ARL15: variants seen among roughly 807,000 people sequenced by gnomAD.
The protein encoded by ARL15 is ARF like GTPase 15, also known as ADP-ribosylation factor-like protein 15.
A neutral mutation model predicts 25.2 loss-of-function variants in ARL15; 19 were observed. The ratio of observed to expected loss-of-function variants is 0.75; its 90% CI spans 0.53 to 1.10. The LOEUF (loss-of-function observed/expected upper bound fraction) is 1.10, where lower values mean the gene tolerates loss of function less well. Ranked by LOEUF, ARL15 falls within the 50% of genes least tolerant of loss-of-function variation. The pLI, the probability that ARL15 is intolerant of heterozygous loss-of-function variation, is 0.00. For synonymous variants in ARL15, 94 were observed against 86.8 expected (o/e 1.08, Z -0.46); for missense variants, 220 against 246.0 (o/e 0.89, Z 0.71).
At chr5:54,184,304 G>GT (rs1412978769) in intron 1 of ARL15, among the ~76,000 whole-genome samples, 6 of 148,552 alleles carry the variant, frequency 4.0e-5, no homozygotes, top group Non-Finnish European at 8.9e-5. Flanking sequence ...TTAGCCAGGT[G>GT]TGATGGTGTG....
At chr5:53,999,417 C>T (rs747124058) in intron 4 of ARL15, among the ~76,000 whole-genome samples, 8 of 151,560 alleles carry the variant, frequency 5.3e-5, no homozygotes, top group Admixed American at 2.6e-4. Flanking sequence ...GGTGAAATCC[C>T]GTTCCTGCTA....
At chr5:53,896,423 G>C (rs1256458885) in intron 4 of ARL15, among the ~76,000 whole-genome samples, 1 of 152,058 alleles carries the variant, frequency 6.6e-6, no homozygotes, top group Non-Finnish European at 1.5e-5. Context: ...CAAATGAAAG[G>C]GGTTATAATT....
chr5:54,095,717 T>C (rs977363853), intron 4 of ARL15, among the ~76,000 whole-genome samples: 2 of 152,148 alleles, frequency 1.3e-5, no homozygotes, highest in Non-Finnish European at 2.9e-5. Flanking sequence ...ACACTTGGCT[T>C]AGTTTCTTCA....
Position 54,141,132 on chromosome 5 carries a change from A to T in ARL15, c.253+13448T>A. On this transcript the variant is annotated intron_variant, in intron 3 of 4. Transcript: ENST00000504924. ...TACTGAGAAATCTCTCACTCTTTAT[A>T]TAATGAATCTGTCATTTTTTTTTAT... Among the ~76,000 whole-genome samples, 2 of 151,838 alleles carry T rather than the reference A, an allele frequency of 1.3e-5. 1 individual carries two copies. The highest frequency in any genetic ancestry group is 4.8e-5 in the African/African-American group (2 of 41,378).
At chr5:54,036,119 C>T (rs1750157740) in intron 4 of ARL15, among the ~76,000 whole-genome samples, 2 of 151,238 alleles carry the variant, frequency 1.3e-5, no homozygotes, top group Admixed American at 6.6e-5. Context: ...CAATGCACTC[C>T]AGTCTGGGCA....
chr5:54,212,871 C>T (rs564101434), intron 1 of ARL15, among the ~76,000 whole-genome samples: 2 of 152,224 alleles, frequency 1.3e-5, no homozygotes, highest in South Asian at 2.1e-4. Flanking sequence ...GAATAGCAGT[C>T]CTGCCAGCCC....
At chr5:53,926,548 G>A (rs1746031114) in intron 4 of ARL15, among the ~76,000 whole-genome samples, 1 of 152,090 alleles carries the variant, frequency 6.6e-6, no homozygotes, top group African/African-American at 2.4e-5. Flanking sequence ...AAGCATAAGG[G>A]TCAGGGAGCC....
chr5:54,161,069 A>G (rs1321001399), intron 2 of ARL15, among the ~76,000 whole-genome samples: 2 of 152,258 alleles, frequency 1.3e-5, no homozygotes. Context: ...TTAAATTCAA[A>G]AAATAAATGT....
chr5:54,296,582 T>G (rs1358547105), intron 1 of ARL15, among the ~76,000 whole-genome samples: 2 of 152,254 alleles, frequency 1.3e-5, no homozygotes, highest in Non-Finnish European at 2.9e-5. Flanking sequence ...AACCCAGCCC[T>G]GCACTGTGCC....
chr5:53,970,636 C>G (rs1428779038), intron 4 of ARL15, among the ~76,000 whole-genome samples: 1 of 152,044 alleles, frequency 6.6e-6, no homozygotes, highest in Non-Finnish European at 1.5e-5. Context: ...ATGTTATTAA[C>G]AGTTACAGAG....
At chr5:54,204,224 G>A (rs193292676) in intron 1 of ARL15, among the ~76,000 whole-genome samples, 47 of 152,278 alleles carry the variant, frequency 3.1e-4, no homozygotes, top group South Asian at 1.2e-3. Context: ...CAGTGAGGGT[G>A]AAGACAAGAC....
chr5:54,049,024 A>C (rs1489218783), intron 4 of ARL15, among the ~76,000 whole-genome samples: 1 of 152,030 alleles, frequency 6.6e-6, no homozygotes, highest in Admixed American at 6.6e-5. Flanking sequence ...GAAAAAAACT[A>C]CTGAGCAACT....
chr5:54,176,060 T>C (rs1012190535), intron 1 of ARL15, among the ~76,000 whole-genome samples: 2 of 152,140 alleles, frequency 1.3e-5, no homozygotes, highest in East Asian at 3.9e-4. Context: ...CCCCTCCGTC[T>C]CCCCAAGCTC....
chr5:54,078,002 T>A (rs1407532045), intron 4 of ARL15, among the ~76,000 whole-genome samples: 1 of 152,248 alleles, frequency 6.6e-6, no homozygotes, highest in Non-Finnish European at 1.5e-5. Flanking sequence ...TTGATTACAA[T>A]AAATTTAAGT....
chr5:53,913,142 T>A (rs1030075871), intron 4 of ARL15, among the ~76,000 whole-genome samples: 23 of 151,978 alleles, frequency 1.5e-4, no homozygotes, highest in African/African-American at 5.1e-4. Flanking sequence ...CTACAAAAAA[T>A]TTTTTTAAAA....
intron 1 of ARL15, among the ~76,000 whole-genome samples, chr5:54,292,908 C>T (rs554235694): frequency 6.6e-6 from 1 of 152,294 alleles, no homozygotes; most frequent in African/African-American, 2.4e-5. Context: ...TCCAACTCTG[C>T]AACCTCACAC....
chr5:53,902,904 G>A (rs931046648), intron 4 of ARL15, among the ~76,000 whole-genome samples: 2 of 152,118 alleles, frequency 1.3e-5, no homozygotes, highest in African/African-American at 2.4e-5. Context: ...GCTGACAGCC[G>A]CCTCAATAGC....
intron 4 of ARL15, among the ~76,000 whole-genome samples, chr5:54,065,790 T>C (rs1175410582): frequency 2.0e-5 from 3 of 152,174 alleles, no homozygotes; most frequent in African/African-American, 7.2e-5. Flanking sequence ...AGAAAAATAA[T>C]GTAAAACCTC....
intron 3 of ARL15, among the ~76,000 whole-genome samples, chr5:54,114,568 A>G (rs1752845953): frequency 6.6e-6 from 1 of 152,142 alleles, no homozygotes; most frequent in Non-Finnish European, 1.5e-5. Flanking sequence ...ATTATATACT[A>G]ATTAAGCTTT....
Sources: gnomAD v4.1 joint callset for allele counts (sites outside exome capture counted in the v4.1 genomes callset) on GRCh38, gnomAD v4.1.1 for gene constraint, MANE v1.5 for transcripts, NCBI Gene and HGNC (gene_info 2026-07-23, HGNC 2026-07-21) for gene names.